Variants in MYO5B observed in about 807,000 individuals in gnomAD.
MYO5B encodes myosin VB, also known as unconventional myosin-Vb.
Under a neutral mutation model 229.3 loss-of-function variants are expected in MYO5B, and 143 were observed. The observed-to-expected ratio is 0.62, with a 90% CI of 0.54 to 0.72. The LOEUF is 0.72. Ranked by LOEUF, MYO5B falls within the 30% of genes least tolerant of loss-of-function variation. The pLI, the probability that MYO5B is intolerant of heterozygous loss-of-function variation, is 0.00. For missense variants in MYO5B, 2,321 were observed against 2,331.0 expected, an observed-to-expected ratio of 1.00 and a Z score of 0.09; for synonymous variants, 918 against 885.2, an observed-to-expected ratio of 1.04 and a Z score of -0.66.
At position 49,824,307 on chromosome 18, in the gene MYO5B, G is replaced by A. The variant is rs1195514603; in HGVS notation, c.*2164C>T. The A allele has an allele frequency of 1.5e-4, 1 of 6,514 alleles. No individual in the cohort carries two copies. Among genetic ancestry groups the A allele is most frequent in the Admixed American group, 1.2e-3 (1 of 818 alleles). The allele number at this position is 6,514 out of a possible 1,614,324, so 0.4% of individuals were successfully genotyped here. ...CTGTAAGTTTTAAGTACAATTCCAG[G>A]ATATACCTTTATCTTTTGGAAGAGA... On this transcript the variant is annotated 3_prime_UTR_variant, in exon 40 of 40. Coordinates refer to ENST00000285039, the MANE Select transcript of MYO5B (RefSeq NM_001080467.3).
intron 4 of MYO5B, among the ~76,000 whole-genome samples, chr18:50,007,858 A>T (rs1373051230): frequency 6.6e-6 from 1 of 152,220 alleles, no homozygotes; most frequent in Non-Finnish European, 1.5e-5. Flanking sequence ...TTTGCTTAAG[A>T]TTCATAAGAT....
At chr18:50,184,894 A>ATT (rs2033125595) in intron 1 of MYO5B, among the ~76,000 whole-genome samples, 1 of 89,232 alleles carries the variant, frequency 1.1e-5, no homozygotes, top group Non-Finnish European at 2.3e-5. Flanking sequence ...ACACACACAC[A>ATT]GAAAAAAATA....
chr18:49,933,545 T>C (rs571120342), intron 16 of MYO5B, among the ~76,000 whole-genome samples: 17 of 152,364 alleles, frequency 1.1e-4, no homozygotes, highest in African/African-American at 4.1e-4. Flanking sequence ...ACAGGAGTTC[T>C]CAACTGGAGG....
intron 1 of MYO5B, among the ~76,000 whole-genome samples, chr18:50,173,957 G>T (rs1009908548): frequency 6.6e-6 from 1 of 152,124 alleles, no homozygotes; most frequent in Non-Finnish European, 1.5e-5. Context: ...CTGCGAGGGC[G>T]TTTCTGGAAG....
chr18:49,906,737 T>G, intron 18 of MYO5B, 107 bp from the exon 19 acceptor site: 1 of 965,256 alleles, frequency 1.0e-6, no homozygotes, highest in East Asian at 2.5e-5. Flanking sequence ...CCAGACTTCA[T>G]GCACCCCTCT....
In MYO5B at chr18:49,894,916, G is replaced by A. The variant is rs370138506; in HGVS notation, c.3045+25C>T. On this transcript the variant is annotated intron_variant, in intron 22 of 39. Coordinates refer to ENST00000285039, the MANE Select transcript of MYO5B (RefSeq NM_001080467.3). ...GTGCCCACCCACTCTGCTTGCCAGC[G>A]CCTGCCCCTCTGGCCTGAGCATACC... 5.4e-5 allele frequency: 86 copies of A among 1,603,248 alleles called. 1 individual carries two copies. The highest frequency in any genetic ancestry group is 3.3e-4 in the Middle Eastern group (2 of 6,030).
chr18:49,975,080 T>C (rs1481468455), intron 9 of MYO5B, among the ~76,000 whole-genome samples: 2 of 152,158 alleles, frequency 1.3e-5, no homozygotes, highest in African/African-American at 4.8e-5. Flanking sequence ...CAAATGCAGT[T>C]TGCATCTGCT....
At chr18:50,021,382 A>C (rs1477208269) in intron 4 of MYO5B, among the ~76,000 whole-genome samples, 1 of 152,204 alleles carries the variant, frequency 6.6e-6, no homozygotes. Context: ...AGGTTCCAGC[A>C]CTAGTTCTGC....
chr18:50,125,618 A>G (rs557951507), intron 1 of MYO5B, among the ~76,000 whole-genome samples: 20 of 152,322 alleles, frequency 1.3e-4, no homozygotes, highest in African/African-American at 4.3e-4. Flanking sequence ...AGGTTATTCA[A>G]TCTTCAAAAT....
intron 12 of MYO5B, among the ~76,000 whole-genome samples, chr18:49,960,639 A>T (rs1387690723): frequency 6.6e-6 from 1 of 152,166 alleles, no homozygotes; most frequent in Non-Finnish European, 1.5e-5. Flanking sequence ...GAACAATTAA[A>T]CCTGTTACAA....
intron 1 of MYO5B, among the ~76,000 whole-genome samples, chr18:50,092,325 TAA>T (rs2031463991): frequency 6.6e-6 from 1 of 152,168 alleles, no homozygotes; most frequent in Non-Finnish European, 1.5e-5. Context: ...GGAGCAGCAT[TAA>T]AAGGAAGAAT....
intron 1 of MYO5B, among the ~76,000 whole-genome samples, chr18:50,072,476 G>A (rs1393624903): frequency 6.6e-6 from 1 of 152,118 alleles, no homozygotes; most frequent in Non-Finnish European, 1.5e-5. Context: ...GTGAACGCTG[G>A]CCCCAAACCT....
intron 23 of MYO5B, 143 bp downstream of exon 23, chr18:49,880,228 A>T: frequency 6.5e-6 from 5 of 774,830 alleles, no homozygotes; most frequent in South Asian, 1.4e-5. Context: ...CTTAAAGGTC[A>T]TTATTCTTCA....
At chr18:49,961,310 A>T (rs1434844954) in intron 12 of MYO5B, among the ~76,000 whole-genome samples, 4 of 152,188 alleles carry the variant, frequency 2.6e-5, no homozygotes, top group Non-Finnish European at 5.9e-5. Context: ...TGAAGCCCAC[A>T]TCTCTAGTGA....
intron 4 of MYO5B, among the ~76,000 whole-genome samples, chr18:50,022,248 G>A (rs2026283431): frequency 6.6e-6 from 1 of 152,142 alleles, no homozygotes; most frequent in Non-Finnish European, 1.5e-5. Context: ...TGCCAGCAAT[G>A]TGCCTTAGGG....
chr18:50,081,884 T>C (rs981094542), intron 1 of MYO5B, among the ~76,000 whole-genome samples: 6 of 152,234 alleles, frequency 3.9e-5, no homozygotes, highest in Admixed American at 2.0e-4. Flanking sequence ...ATGGTCTTTC[T>C]TGCCTCATCA....
chr18:49,965,525 C>T (rs2025615308), intron 10 of MYO5B, among the ~76,000 whole-genome samples: 1 of 151,664 alleles, frequency 6.6e-6, no homozygotes, highest in Non-Finnish European at 1.5e-5. Flanking sequence ...AAATGGACGG[C>T]AGTGGCCCCA....
chr18:49,894,955 C>T lies in MYO5B; in HGVS notation c.3031G>A (p.Asp1011Asn), dbSNP rs201592338. The change falls in exon 22 of 40, where the codon GAT becomes AAT. Residue 1011 changes from aspartate to asparagine, a missense_variant. Asp to Asn is a conservative substitution (Grantham distance 23). Coordinates refer to ENST00000285039, the MANE Select transcript of MYO5B (RefSeq NM_001080467.3). ...CCTGAGCATACCTTCCTCAGCTCAT[C>T]TTTCTCCCTGCTGTGGGCGTCCTCC... ...ILEDAHSREK[D>N]ELRKRVADLE... 2,516 of 1,613,164 alleles carry T rather than the reference C, an allele frequency of 1.6e-3. 3 individuals carry two copies. Among genetic ancestry groups the T allele is most frequent in the Non-Finnish European group, 1.7e-3 (2,054 of 1,180,026 alleles).
At chr18:49,929,443 T>C in intron 17 of MYO5B, 69 bp downstream of exon 17, 1 of 1,308,120 alleles carries the variant, frequency 7.6e-7, no homozygotes, top group Non-Finnish European at 1.1e-6. Flanking sequence ...CACAGAGGGC[T>C]CCCTGGGGAA....
Sources: allele counts gnomAD v4.1 joint callset (sites outside exome capture counted in the v4.1 genomes callset), GRCh38; gene constraint gnomAD v4.1.1; transcripts MANE v1.5; gene names NCBI Gene and HGNC (gene_info 2026-07-23, HGNC 2026-07-21).